Variants in ANKRD28 observed in about 807,000 individuals in gnomAD.
The protein encoded by ANKRD28 is serine/threonine-protein phosphatase 6 regulatory ankyrin repeat subunit A.
Under a neutral mutation model 126.5 loss-of-function variants are expected in ANKRD28, and 44 were observed. The ratio of observed to expected loss-of-function variants is 0.35; its 90% CI spans 0.27 to 0.45. ANKRD28 has a LOEUF of 0.45. Among genes scored for constraint, ANKRD28 ranks in the 20% least tolerant of loss-of-function variants. The pLI is 1.00. For synonymous variants in ANKRD28, 442 were observed against 468.5 expected (o/e 0.94, Z 0.73); for missense variants, 1,110 against 1,316.6 (o/e 0.84, Z 2.43).
intron 2 of ANKRD28, among the ~76,000 whole-genome samples, chr3:15,778,844 G>C (rs779601142): frequency 6.6e-6 from 1 of 152,176 alleles, no homozygotes; most frequent in African/African-American, 2.4e-5. Context: ...ATGGGACTAG[G>C]TGGAGGTAAA....
intron 1 of ANKRD28, among the ~76,000 whole-genome samples, chr3:15,852,032 T>C (rs758769969): frequency 5.3e-5 from 8 of 152,140 alleles, no homozygotes; most frequent in Non-Finnish European, 1.2e-4. Flanking sequence ...GACAGAATAG[T>C]AGTCGTCAAG....
chr3:15,854,928 A>C lies in ANKRD28; in HGVS notation c.27+4449T>G, dbSNP rs1575830967. 6.6e-6 allele frequency among the ~76,000 whole-genome samples: 1 copy of C among 152,328 alleles called. No homozygotes were observed. Among genetic ancestry groups the C allele is most frequent in the East Asian group, 1.9e-4 (1 of 5,194 alleles). ...GCTGGGTGTGGTGGTGGGCGCCTGT[A>C]GTCCCAGCTACTAGGGAGGCTGAGG... is the stretch of plus-strand genomic sequence containing the variant. On this transcript the variant is annotated intron_variant, in intron 1 of 27. Coordinates refer to the ANKRD28 transcript ENST00000399451. The surrounding 1 kb of genome is among the most constrained non-coding windows in gnomAD (Gnocchi z 4.1).
intron 7 of ANKRD28, among the ~76,000 whole-genome samples, chr3:15,721,744 T>G (rs919838033): frequency 6.6e-6 from 1 of 151,844 alleles, no homozygotes; most frequent in Admixed American, 6.6e-5. Context: ...TAATTAAGGG[T>G]TTTGCTTTTC....
At position 15,670,352 on chromosome 3, in the gene ANKRD28, C is replaced by G; in HGVS notation, c.3170G>C (p.Ser1057Thr). 6.2e-7 allele frequency: 1 copy of G among 1,613,380 alleles called. No individual in the cohort carries two copies. Among genetic ancestry groups the G allele is most frequent in the African/African-American group, 1.3e-5 (1 of 75,024 alleles). Residue 1057 changes from serine (S) to threonine (T), a missense_variant, in exon 28 of 28, where the codon AGT becomes ACT. Coordinates refer to ENST00000683139, the MANE Select transcript of ANKRD28 (RefSeq NM_001349278.2). ...IMRNEPSSYC[S>T]FNNIGGEQEY... ...CTGTTCCCCTCCAATGTTATTGAAA[C>G]TGCAATAGGAGCTAGGTTCATTCCT...
rs943670583 is a variant in ANKRD28, at chr3:15,830,444, AGATTCTCATAG to A, written c.27+28922_27+28932del. ...ACTCCTGTCAGAGTAGCGCAGCATT[AGATTCTCATAG>A]GACTGCCAATCCTATTTTGAATTGC... On this transcript the variant is annotated intron_variant, in intron 1 of 27. Coordinates refer to the ANKRD28 transcript ENST00000399451. The surrounding 1 kb of genome is among the most constrained non-coding windows in gnomAD (Gnocchi z 4.5). Among the ~76,000 whole-genome samples the A allele has an allele frequency of 6.6e-6, 1 of 152,148 alleles. No individual in the cohort carries two copies. Among genetic ancestry groups the A allele is most frequent in the African/African-American group, 2.4e-5 (1 of 41,428 alleles).
intron 18 of ANKRD28, among the ~76,000 whole-genome samples, chr3:15,689,508 G>C (rs568901680): frequency 6.6e-6 from 1 of 152,328 alleles, no homozygotes; most frequent in East Asian, 1.9e-4. Flanking sequence ...GAGGCCACAG[G>C]AGGAAGGGAG....
At chr3:15,756,978 C>T (rs1036791026) in intron 3 of ANKRD28, among the ~76,000 whole-genome samples, 10 of 152,176 alleles carry the variant, frequency 6.6e-5, no homozygotes, top group African/African-American at 2.4e-4. Context: ...CATGAGTCCA[C>T]TTATATGTAG....
At chr3:15,719,531 CTT>C (rs1236117848) in intron 8 of ANKRD28, among the ~76,000 whole-genome samples, 1 of 152,094 alleles carries the variant, frequency 6.6e-6, no homozygotes, top group East Asian at 1.9e-4. Flanking sequence ...CATGTGCTCT[CTT>C]ATAAAATTAT....
At chr3:15,690,905 A>G (rs1254022010) in intron 17 of ANKRD28, among the ~76,000 whole-genome samples, 1 of 152,146 alleles carries the variant, frequency 6.6e-6, no homozygotes, top group Non-Finnish European at 1.5e-5. Flanking sequence ...AGTGCTCCAC[A>G]TCAACTGCAA....
At chr3:15,826,149 T>G (rs981400657) in intron 1 of ANKRD28, among the ~76,000 whole-genome samples, 2 of 152,206 alleles carry the variant, frequency 1.3e-5, no homozygotes, top group African/African-American at 4.8e-5. Context: ...ACATCACTAT[T>G]TGTAATAACT....
At chr3:15,806,877 A>G (rs185764725) in intron 1 of ANKRD28, among the ~76,000 whole-genome samples, 9 of 152,314 alleles carry the variant, frequency 5.9e-5, no homozygotes, top group Admixed American at 2.6e-4. Flanking sequence ...GTAATAGAAT[A>G]TTAAACACAT....
chr3:15,670,577 T>A (rs770767209), intron 27 of ANKRD28, 21 bp from the exon 28 acceptor site: 2 of 1,600,318 alleles, frequency 1.2e-6, no homozygotes, highest in East Asian at 2.2e-5. Context: ...AGATAAAATT[T>A]AAAAATTAAG....
chr3:15,849,606 A>G (rs2061595616), intron 1 of ANKRD28, among the ~76,000 whole-genome samples: 1 of 152,172 alleles, frequency 6.6e-6, no homozygotes, highest in Non-Finnish European at 1.5e-5. Flanking sequence ...TTACTTCCAG[A>G]GAGTTGGAAT....
intron 1 of ANKRD28, among the ~76,000 whole-genome samples, chr3:15,841,527 T>C (rs183284287): frequency 4.9e-4 from 75 of 152,232 alleles, no homozygotes; most frequent in South Asian, 1.7e-3. Flanking sequence ...TGCAAACTAA[T>C]TCTCTGACAA....
chr3:15,757,285 G>C (rs1175529518), intron 3 of ANKRD28, among the ~76,000 whole-genome samples: 1 of 152,162 alleles, frequency 6.6e-6, no homozygotes, highest in Non-Finnish European at 1.5e-5. Context: ...TATATTCAAA[G>C]TTCCTATTGT....
At chr3:15,758,132 T>C (rs934469295) in intron 3 of ANKRD28, among the ~76,000 whole-genome samples, 4 of 152,206 alleles carry the variant, frequency 2.6e-5, no homozygotes, top group African/African-American at 9.6e-5. Flanking sequence ...TCACAAATCA[T>C]TTTCCAAAAC....
intron 1 of ANKRD28, among the ~76,000 whole-genome samples, chr3:15,844,778 A>G (rs896873114): frequency 2.0e-5 from 3 of 152,220 alleles, no homozygotes; most frequent in African/African-American, 7.2e-5. Flanking sequence ...TTTTATAATA[A>G]AAGATTAACT....
chr3:15,824,272 A>C (rs2061010989), intron 1 of ANKRD28, among the ~76,000 whole-genome samples: 1 of 152,194 alleles, frequency 6.6e-6, no homozygotes, highest in Admixed American at 6.5e-5. Context: ...CTCCCACTTC[A>C]GCCTCCTGAG....
At chr3:15,858,349 G>A (rs2061819730) in intron 1 of ANKRD28, among the ~76,000 whole-genome samples, 2 of 152,182 alleles carry the variant, frequency 1.3e-5, no homozygotes, top group Non-Finnish European at 2.9e-5. Context: ...GATACACAAG[G>A]TCTGCGATCA....
Sources: gnomAD v4.1 joint callset for allele counts (sites outside exome capture counted in the v4.1 genomes callset) on GRCh38, gnomAD v4.1.1 for gene constraint, Gnocchi (gnomAD v3.1) non-coding constraint, MANE v1.5 for transcripts, NCBI Gene and HGNC (gene_info 2026-07-23, HGNC 2026-07-21) for gene names.